NWD2: variants seen among roughly 807,000 people sequenced by gnomAD.
NWD2 encodes NACHT and WD repeat domain containing 2, also known as NACHT and WD repeat domain-containing protein 2.
NWD2 carries 37 observed loss-of-function variants against 132.7 expected under a neutral mutation model. The ratio of observed to expected loss-of-function variants is 0.28; its 90% CI spans 0.21 to 0.37. NWD2 has a LOEUF of 0.37. NWD2 is among the 10% of genes least tolerant of loss of function. The probability of loss-of-function intolerance (pLI) is 1.00; values close to 1 mark genes in which losing one functional copy is unlikely to be tolerated. For synonymous variants in NWD2, 705 were observed against 803.0 expected, an observed-to-expected ratio of 0.88 and a Z score of 2.06; for missense variants, 1,592 against 2,122.4, an observed-to-expected ratio of 0.75 and a Z score of 4.91.
At chr4:37,342,715 G>T (rs1302190198) in intron 2 of NWD2, among the ~76,000 whole-genome samples, 1 of 152,162 alleles carries the variant, frequency 6.6e-6, no homozygotes, top group African/African-American at 2.4e-5. Context: ...CAAGGGTTCA[G>T]TTCTTCCTTA....
chr4:37,427,607 A>T (rs1353258584), intron 3 of NWD2, among the ~76,000 whole-genome samples: 2 of 152,216 alleles, frequency 1.3e-5, no homozygotes, highest in African/African-American at 4.8e-5. Context: ...TACCATGCTG[A>T]AATAATAGAT....
Position 37,264,458 on chromosome 4 carries a change from G to A in NWD2, c.151+19240G>A, listed in dbSNP as rs566520373. Among the ~76,000 whole-genome samples the A allele has an allele frequency of 1.3e-4, 20 of 152,152 alleles. No homozygotes were observed. In the South Asian group the frequency reaches 4.1e-3, roughly 32 times the overall value. On this transcript the variant is annotated intron_variant, in intron 1 of 6. Transcript: ENST00000309447. ...CCTAAATAGGTCATTTTGTTGTGCAGCCAGTAAACTCGGTGTTCTGGAGAT... is the reference window on the plus strand; with the variant it reads ...CCTAAATAGGTCATTTTGTTGTGCAACCAGTAAACTCGGTGTTCTGGAGAT...
At chr4:37,253,535 G>A (rs1166300710) in intron 1 of NWD2, among the ~76,000 whole-genome samples, 1 of 152,122 alleles carries the variant, frequency 6.6e-6, no homozygotes, top group Non-Finnish European at 1.5e-5. Flanking sequence ...GTTCTGGGAA[G>A]GTTAAATGAG....
intron 2 of NWD2, among the ~76,000 whole-genome samples, chr4:37,353,930 G>GT (rs202142670): frequency 0.026 from 3,979 of 152,162 alleles, 170 homozygotes; most frequent in African/African-American, 0.091. Context: ...GAGGCGTTCA[G>GT]TTTTTGGAAT....
At chr4:37,273,532 A>G (rs575825613) in intron 1 of NWD2, among the ~76,000 whole-genome samples, 2 of 152,238 alleles carry the variant, frequency 1.3e-5, no homozygotes, top group Admixed American at 1.3e-4. Context: ...TGAGACAGAA[A>G]GTTAACAAGG....
intron 3 of NWD2, among the ~76,000 whole-genome samples, chr4:37,383,279 G>T (rs1298120755): frequency 6.6e-6 from 1 of 152,070 alleles, no homozygotes; most frequent in African/African-American, 2.4e-5. Context: ...CTCCCCCTTT[G>T]ATTTACAGCC....
chr4:37,319,587 G>A (rs1268074111), intron 1 of NWD2, among the ~76,000 whole-genome samples: 2 of 151,882 alleles, frequency 1.3e-5, no homozygotes, highest in Non-Finnish European at 2.9e-5. Context: ...GTTTTCTTTT[G>A]GGATTCTTAC....
intron 1 of NWD2, among the ~76,000 whole-genome samples, chr4:37,323,350 A>C (rs1460136326): frequency 6.6e-6 from 1 of 152,224 alleles, no homozygotes; most frequent in African/African-American, 2.4e-5. Context: ...AAATCAAGCA[A>C]AAACCAAATA....
chr4:37,330,648 G>T (rs1458946561), intron 2 of NWD2, among the ~76,000 whole-genome samples: 1 of 152,168 alleles, frequency 6.6e-6, no homozygotes, highest in Non-Finnish European at 1.5e-5. Flanking sequence ...ACCCCTAGTA[G>T]ATTGCAAGTC....
At chr4:37,333,075 A>G (rs1719327620) in intron 2 of NWD2, among the ~76,000 whole-genome samples, 1 of 152,108 alleles carries the variant, frequency 6.6e-6, no homozygotes, top group South Asian at 2.1e-4. Context: ...GCCACAGTAG[A>G]ATAGAAGATC....
chr4:37,265,164 AAT>A (rs1717723288), intron 1 of NWD2, among the ~76,000 whole-genome samples: 1 of 152,138 alleles, frequency 6.6e-6, no homozygotes, highest in Non-Finnish European at 1.5e-5. Context: ...GATAATACTG[AAT>A]CATTCTTTAA....
intron 1 of NWD2, among the ~76,000 whole-genome samples, chr4:37,297,444 A>G (rs1321651963): frequency 1.3e-5 from 2 of 152,214 alleles, no homozygotes; most frequent in African/African-American, 4.8e-5. Flanking sequence ...TAATTCTAAC[A>G]TATCTTCATA....
Position 37,449,190 on chromosome 4 carries a change from G to C in NWD2, c.*1973G>C, listed in dbSNP as rs1321053894. 1 of 152,206 alleles carries C rather than the reference G, an allele frequency of 6.6e-6. No individual in the cohort carries two copies. The allele number at this position is 152,206 out of a possible 1,614,324, so 9.4% of individuals were successfully genotyped here. A position where few individuals can be genotyped will look rare whatever the true frequency, so the allele number is the denominator to read the frequency against. ...TAAATGCCTAGATGGATTAAATGTAGTATGTGAATGTTCTATGTAAAAGCC... is the reference window on the plus strand; with the variant it reads ...TAAATGCCTAGATGGATTAAATGTACTATGTGAATGTTCTATGTAAAAGCC... On this transcript the variant is annotated 3_prime_UTR_variant, in exon 7 of 7. Transcript: ENST00000309447.
At chr4:37,273,443 G>A (rs1221792635) in intron 1 of NWD2, among the ~76,000 whole-genome samples, 1 of 152,044 alleles carries the variant, frequency 6.6e-6, no homozygotes, top group African/African-American at 2.4e-5. Context: ...AGTCCTTAGA[G>A]ACCTACAAAG....
At chr4:37,436,447 G>A (rs1052245629) in intron 5 of NWD2, among the ~76,000 whole-genome samples, 1 of 152,080 alleles carries the variant, frequency 6.6e-6, no homozygotes, top group African/African-American at 2.4e-5. Flanking sequence ...GGCATTCTGT[G>A]TACAGCATTT....
At chr4:37,355,995 A>G (rs978792108) in intron 2 of NWD2, among the ~76,000 whole-genome samples, 1 of 152,144 alleles carries the variant, frequency 6.6e-6, no homozygotes, top group African/African-American at 2.4e-5. Flanking sequence ...ACTTATGGTA[A>G]CATTATATAC....
At chr4:37,357,249 G>A (rs1433746503) in intron 3 of NWD2, among the ~76,000 whole-genome samples, 1 of 152,016 alleles carries the variant, frequency 6.6e-6, no homozygotes, top group African/African-American at 2.4e-5. Context: ...ACTGACAGAC[G>A]AGTGTTAAAA....
chr4:37,405,139 A>G (rs1720971132), intron 3 of NWD2, among the ~76,000 whole-genome samples: 2 of 152,198 alleles, frequency 1.3e-5, no homozygotes, highest in Non-Finnish European at 2.9e-5. Context: ...ATTTTCCTGT[A>G]GTTCAAATCA....
chr4:37,366,252 A>G (rs191801507), intron 3 of NWD2, among the ~76,000 whole-genome samples: 14 of 152,294 alleles, frequency 9.2e-5, no homozygotes, highest in African/African-American at 3.4e-4. Flanking sequence ...TAGCACAAAC[A>G]TCTAACTGGT....
Sources: gnomAD v4.1 joint callset for allele counts (sites outside exome capture counted in the v4.1 genomes callset) on GRCh38, gnomAD v4.1.1 for gene constraint, MANE v1.5 for transcripts, NCBI Gene and HGNC (gene_info 2026-07-23, HGNC 2026-07-21) for gene names.